The following ADGRE1 variants were observed in gnomAD, a reference collection of about 807,000 sequenced individuals.
The protein encoded by ADGRE1 is adhesion G protein-coupled receptor E1, also known as EGF-like module receptor 1.
In ADGRE1, 82 loss-of-function variants were observed where a neutral mutation model predicts 102.7. That is an observed-to-expected ratio of 0.80 (90% CI 0.67 to 0.96). The LOEUF is 0.96. ADGRE1 is among the 40% of genes least tolerant of loss of function. The pLI is 0.00. For synonymous variants in ADGRE1, 398 were observed against 399.6 expected, an observed-to-expected ratio of 1.00 and a Z score of 0.05; for missense variants, 1,032 against 1,085.3, an observed-to-expected ratio of 0.95 and a Z score of 0.69.
chr19:6,894,645 G>A (rs976838986), intron 2 of ADGRE1, among the ~76,000 whole-genome samples: 3 of 152,136 alleles, frequency 2.0e-5, no homozygotes, highest in African/African-American at 7.2e-5. Flanking sequence ...TGAGTAATTT[G>A]AGTTTTATTT....
At chr19:6,913,939 T>A in intron 11 of ADGRE1, 109 bp downstream of exon 11, 1 of 1,256,830 alleles carries the variant, frequency 8.0e-7, no homozygotes, top group Non-Finnish European at 1.1e-6. Flanking sequence ...CCCAACTGTT[T>A]AAAAACTTTG....
At chr19:6,900,944 T>C (rs330887) in intron 5 of ADGRE1, among the ~76,000 whole-genome samples, 63,461 of 152,052 alleles carry the variant, frequency 0.42, 15,366 homozygotes, top group African/African-American at 0.67. Context: ...TCTTTTGGTC[T>C]CAACTGGTCT....
chr19:6,890,421 GTTTTTTTTTTTT>G (rs57355800), intron 1 of ADGRE1, 48 bp from the exon 2 acceptor site: 75 of 451,326 alleles, frequency 1.7e-4, no homozygotes, highest in Non-Finnish European at 2.4e-4. Context: ...AGCCCAAAAG[GTTTTTTTTTTTT>G]TTTTTTTTTT....
In ADGRE1 at chr19:6,924,738, G is replaced by A. The variant is rs778436226; in HGVS notation, c.1852G>A (p.Val618Ile). 4.0e-5 allele frequency: 64 copies of A among 1,613,954 alleles called. No homozygotes were observed. The highest frequency in any genetic ancestry group is 3.2e-4 in the South Asian group (29 of 91,082). ...VGIIISLVCL[V>I]LAIATFLLCR... Reference sequence around the variant, plus strand: ...CATTATCATCTCCTTGGTGTGCCTCGTCTTGGCCATCGCCACCTTTCTGCT... The same window carrying A: ...CATTATCATCTCCTTGGTGTGCCTCATCTTGGCCATCGCCACCTTTCTGCT... The change falls in exon 15 of 21, where the codon GTC becomes ATC. Residue 618 changes from valine to isoleucine, a missense_variant. Physicochemically the swap from Val to Ile is conservative, Grantham distance 29 (BLOSUM62 3). Coordinates refer to ENST00000312053, the MANE Select transcript of ADGRE1 (RefSeq NM_001974.5).
intron 9 of ADGRE1, 48 bp from the exon 10 acceptor site, chr19:6,908,641 A>G: frequency 6.7e-7 from 1 of 1,492,228 alleles, no homozygotes; most frequent in Non-Finnish European, 9.0e-7. Flanking sequence ...GGGGGAATAC[A>G]TCGATTCATG....
intron 1 of ADGRE1, among the ~76,000 whole-genome samples, chr19:6,889,687 C>CA (rs1178774112): frequency 0.16 from 5,846 of 36,140 alleles, 298 homozygotes; most frequent in African/African-American, 0.22. Flanking sequence ...GACTCCATCT[C>CA]AAAAAAAAAA....
In ADGRE1 at chr19:6,940,077, G is replaced by T; in HGVS notation, c.*48G>T. 1 of 1,606,250 alleles carries T rather than the reference G, an allele frequency of 6.2e-7. No individual in the cohort carries two copies. The highest frequency in any genetic ancestry group is 8.5e-7 in the Non-Finnish European group (1 of 1,174,286). ...TGCTATGGAGCCACAGTTGAGGACA[G>T]TAGTTTCCTGCAGGAGCCTACCCTG... On this transcript the variant is annotated 3_prime_UTR_variant, in exon 21 of 21. Coordinates refer to ENST00000312053, the MANE Select transcript of ADGRE1 (RefSeq NM_001974.5).
In ADGRE1 at chr19:6,897,210, G is replaced by A. The variant is rs554194774; in HGVS notation, c.300G>A (p.Leu100=). 5.0e-6 allele frequency: 8 copies of A among 1,612,506 alleles called. No homozygotes were observed. The highest frequency in any genetic ancestry group is 1.7e-4 in the Middle Eastern group (1 of 6,054). The change falls in exon 4 of 21, where the codon CTG becomes CTA. Residue 100 remains leucine, a synonymous_variant. Transcript: ENST00000312053. ...PCGPNSSCKN[L]SGRYKCSCLD... ...GTCCTAACTCATCCTGCAAAAACCT[G>A]TCAGGGAGGTACAAGTGCAGCTGTT... is the stretch of plus-strand genomic sequence containing the variant.
At chr19:6,911,634 CACACACATAT>C (rs1427172142) in intron 10 of ADGRE1, among the ~76,000 whole-genome samples, 1 of 151,394 alleles carries the variant, frequency 6.6e-6, no homozygotes, top group East Asian at 1.9e-4. Context: ...CAAATAAACA[CACACACATAT>C]ACACACATGC....
chr19:6,925,312 G>A (rs180894973), intron 15 of ADGRE1, among the ~76,000 whole-genome samples: 96 of 152,178 alleles, frequency 6.3e-4, no homozygotes, highest in African/African-American at 2.2e-3. Context: ...TAGTAGAGAC[G>A]GGGTTTCACC....
intron 2 of ADGRE1, 64 bp downstream of exon 2, chr19:6,890,607 C>T: frequency 6.5e-7 from 1 of 1,547,380 alleles, no homozygotes; most frequent in Non-Finnish European, 8.8e-7. Context: ...CCCGGGGAAA[C>T]ATCCCAGGAA....
intron 13 of ADGRE1, 110 bp downstream of exon 13, chr19:6,919,857 TC>T: frequency 9.4e-7 from 1 of 1,060,102 alleles, no homozygotes; most frequent in Non-Finnish European, 1.4e-6. Context: ...CCGGTAAGCT[TC>T]CACAATTTCC....
intron 20 of ADGRE1, among the ~76,000 whole-genome samples, chr19:6,939,813 G>A (rs553881645): frequency 1.1e-4 from 16 of 152,270 alleles, no homozygotes; most frequent in Admixed American, 2.0e-4. Flanking sequence ...CAGAGTGGGC[G>A]CTGTCAATGC....
intron 12 of ADGRE1, among the ~76,000 whole-genome samples, chr19:6,917,355 A>G (rs544434735): frequency 6.6e-6 from 1 of 152,274 alleles, no homozygotes; most frequent in Admixed American, 6.5e-5. Context: ...AGTATAAGCT[A>G]TGGCTCTGTG....
At chr19:6,929,518 G>A (rs1975057400) in intron 17 of ADGRE1, among the ~76,000 whole-genome samples, 1 of 114,360 alleles carries the variant, frequency 8.7e-6, no homozygotes, top group Non-Finnish European at 1.7e-5. Context: ...AGACGGAGCT[G>A]CCATTTTTTT....
At chr19:6,922,051 A>C (rs1202164835) in intron 14 of ADGRE1, among the ~76,000 whole-genome samples, 168 bp downstream of exon 14, 2 of 152,168 alleles carry the variant, frequency 1.3e-5, no homozygotes, top group East Asian at 1.9e-4. Flanking sequence ...CAGAATTTAC[A>C]GTCTGGTTGG....
At position 6,909,256 on chromosome 19, in the gene ADGRE1, G is replaced by A. The variant is rs142336166; in HGVS notation, c.1122+484G>A. Among the ~76,000 whole-genome samples, 19 of 152,218 alleles carry A rather than the reference G, an allele frequency of 1.2e-4. No individual in the cohort carries two copies. In the East Asian group the frequency reaches 1.3e-3, roughly 11 times the overall value. On this transcript the variant is annotated intron_variant, in intron 10 of 20. Coordinates refer to ENST00000312053, the MANE Select transcript of ADGRE1 (RefSeq NM_001974.5). ...ATACAGTAAAATTACCTTTTTACTTGTATAGTTTGATGAGTTTTCTCACCT... is the reference window on the plus strand; with the variant it reads ...ATACAGTAAAATTACCTTTTTACTTATATAGTTTGATGAGTTTTCTCACCT...
At chr19:6,904,006 G>A (rs754664715) in intron 7 of ADGRE1, 30 bp from the exon 8 acceptor site, 4 of 1,613,876 alleles carry the variant, frequency 2.5e-6, no homozygotes, top group Non-Finnish European at 3.4e-6. Context: ...TGCTCTTCTG[G>A]GTTTCTTGAT....
intron 17 of ADGRE1, among the ~76,000 whole-genome samples, chr19:6,930,151 A>G (rs1054015838): frequency 6.6e-6 from 1 of 152,188 alleles, no homozygotes; most frequent in African/African-American, 2.4e-5. Context: ...TACCCTCACT[A>G]TCTGCCTAAA....
Sources: allele counts gnomAD v4.1 joint callset (sites outside exome capture counted in the v4.1 genomes callset), GRCh38; gene constraint gnomAD v4.1.1; transcripts MANE v1.5; gene names NCBI Gene and HGNC (gene_info 2026-07-23, HGNC 2026-07-21).